Variants in PHLDB3 observed in about 807,000 individuals in gnomAD.
The protein encoded by PHLDB3 is pleckstrin homology-like domain family B member 3.
Under a neutral mutation model 85.7 loss-of-function variants are expected in PHLDB3, and 86 were observed. That is an observed-to-expected ratio of 1.00 (90% CI 0.84 to 1.20). PHLDB3 has a LOEUF of 1.20. PHLDB3 is among the 50% of genes most tolerant of loss of function. PHLDB3 has a pLI of 0.00. For missense variants in PHLDB3, 995 were observed against 873.0 expected (o/e 1.14, Z -1.76); for synonymous variants, 376 against 349.8 (o/e 1.07, Z -0.83).
chr19:43,500,663 G>T (rs1971565135), intron 4 of PHLDB3, among the ~76,000 whole-genome samples: 1 of 152,100 alleles, frequency 6.6e-6, no homozygotes, highest in Non-Finnish European at 1.5e-5. Context: ...TTGAGACAGG[G>T]TCTTGCTCTA....
chr19:43,503,051 C>T (rs772196859), intron 2 of PHLDB3, among the ~76,000 whole-genome samples: 1 of 152,124 alleles, frequency 6.6e-6, no homozygotes, highest in Non-Finnish European at 1.5e-5. Context: ...GTCCCTCTCT[C>T]GAGGTTTTTG....
intron 13 of PHLDB3, among the ~76,000 whole-genome samples, chr19:43,483,111 T>C (rs892058437): frequency 6.6e-6 from 1 of 152,048 alleles, no homozygotes; most frequent in African/African-American, 2.4e-5. Flanking sequence ...GGACAAATGG[T>C]GGTAAAAACA....
chr19:43,488,863 A>C (rs1448233968), intron 9 of PHLDB3, among the ~76,000 whole-genome samples: 1 of 151,650 alleles, frequency 6.6e-6, no homozygotes, highest in African/African-American at 2.4e-5. Flanking sequence ...GCAGTAGCAC[A>C]ATCTCGGCTC....
chr19:43,488,456 CA>C (rs201869304), intron 9 of PHLDB3, among the ~76,000 whole-genome samples: 3 of 151,178 alleles, frequency 2.0e-5, no homozygotes, highest in African/African-American at 7.3e-5. Flanking sequence ...CAGCCTGTCT[CA>C]AAAAAAATAA....
rs775517954 is a variant in PHLDB3, at chr19:43,503,885, T to C, written c.213+21A>G. The C allele has an allele frequency of 7.4e-6, 12 of 1,613,242 alleles. No homozygotes were observed. In the South Asian group the frequency reaches 1.2e-4, roughly 16 times the overall value. ...CCCCGTCGGTCCAAGCCCCCCGCGC[T>C]GTCGCCCTCGGGCCCCTCACCGCGT... On this transcript the variant is annotated intron_variant, in intron 2 of 15. Transcript: ENST00000292140.
At chr19:43,494,625 G>C in intron 9 of PHLDB3, 77 bp downstream of exon 9, 2 of 1,208,732 alleles carry the variant, frequency 1.7e-6, no homozygotes, top group Non-Finnish European at 2.3e-6. Flanking sequence ...ACCCCAGTTC[G>C]GGGACTCTGC....
chr19:43,484,540 G>A (rs754328145), intron 13 of PHLDB3, among the ~76,000 whole-genome samples: 4 of 151,544 alleles, frequency 2.6e-5, no homozygotes, highest in African/African-American at 7.3e-5. Context: ...AAACCCCATC[G>A]CTACTAAAAA....
rs1402370183 is a variant in PHLDB3 at position 43,503,908 on chromosome 19, C to A, written c.211G>T (p.Ala71Ser). Residue 71 changes from alanine to serine, a missense_variant and splice_region_variant, in exon 2 of 16, where the codon GCG (alanine) becomes TCG (serine). Ala to Ser is a moderately conservative substitution (Grantham distance 99). Coordinates refer to ENST00000292140, the MANE Select transcript of PHLDB3 (RefSeq NM_198850.4). The stretch of plus-strand genomic sequence containing the variant: ...GCTGTCGCCCTCGGGCCCCTCACCG[C>A]GTCGCGGCTGCTCTCAGTGCTGCTG... ...EGSSTESSRD[A>S]PEATPPIAMA... 5 of 1,613,698 alleles carry A rather than the reference C, an allele frequency of 3.1e-6. No individual in the cohort carries two copies. The highest frequency in any genetic ancestry group is 4.2e-6 in the Non-Finnish European group (5 of 1,179,782).
chr19:43,478,193 G>A, intron 14 of PHLDB3, 61 bp from the exon 15 acceptor site: 5 of 1,344,646 alleles, frequency 3.7e-6, no homozygotes, highest in South Asian at 2.4e-5. Context: ...TGTGTGTCGA[G>A]GTGAGGGTCA....
Position 43,501,735 on chromosome 19 carries a change from TGTTCCC to T in PHLDB3, c.527_532del (p.Arg176_Glu177del). 6.3e-7 allele frequency: 1 copy of T among 1,583,812 alleles called. No individual in the cohort carries two copies. Among genetic ancestry groups the T allele is most frequent in the African/African-American group, 1.3e-5 (1 of 74,546 alleles). On this transcript the variant is annotated inframe_deletion and splice_region_variant, in exon 4 of 16. Coordinates refer to ENST00000292140, the MANE Select transcript of PHLDB3 (RefSeq NM_198850.4). Reference sequence around the variant, plus strand: ...GAAGACCCGGTGAGCCAAACAGACCTGTTCCCGCTGCTGGCGGCCGCGCTGCTCCGA... The same window carrying T: ...GAAGACCCGGTGAGCCAAACAGACCTGCTGCTGGCGGCCGCGCTGCTCCGA...
In PHLDB3 at chr19:43,504,216, AC is replaced by A. The variant is rs11377522; in HGVS notation, c.-14-85del. 7.5e-4 allele frequency: 896 copies of A among 1,191,236 alleles called. 2 individuals are homozygous for A. The highest frequency in any genetic ancestry group is 9.5e-4 in the East Asian group (35 of 36,864). The allele number at this position is 1,191,236 out of a possible 1,614,324, so 73.8% of individuals were successfully genotyped here. A position where few individuals can be genotyped will look rare whatever the true frequency, so the allele number is the denominator to read the frequency against. ...CTCGCGTCTGCTCCGGGGCGCGGAGACCCCCCCCCAAGGAGGCGGGGCCTAA... is the reference window on the plus strand; with the variant it reads ...CTCGCGTCTGCTCCGGGGCGCGGAGACCCCCCCCAAGGAGGCGGGGCCTAA... On this transcript the variant is annotated intron_variant, in intron 1 of 15. Transcript: ENST00000292140.
In PHLDB3 at chr19:43,478,054, G is replaced by T. The variant is rs757119202; in HGVS notation, c.1781C>A (p.Ala594Asp). The change falls in exon 15 of 16, where the codon GCC (alanine) becomes GAC (aspartate). Residue 594 changes from alanine (A) to aspartate (D), a missense_variant. Ala to Asp is a moderately radical substitution (Grantham distance 126). Coordinates refer to ENST00000292140, the MANE Select transcript of PHLDB3 (RefSeq NM_198850.4). ...GACATTGAGGGGCTTCACCTTGAAG[G>T]CACAGCGTAAGTGGTCATAATAGAC... is the stretch of plus-strand genomic sequence containing the variant. ...EEVYYDHLRC[A>D]FKSPNPRLTF... The T allele has an allele frequency of 4.3e-6, 7 of 1,611,914 alleles. No homozygotes were observed. The highest frequency in any genetic ancestry group is 8.5e-7 in the Non-Finnish European group (1 of 1,178,172).
Position 43,486,678 on chromosome 19 carries a change from T to G in PHLDB3, c.1359A>C (p.Pro453=), listed in dbSNP as rs912612295. Residue 453 remains proline (P), a synonymous_variant, in exon 12 of 16, where the codon CCA becomes CCC. Coordinates refer to ENST00000292140, the MANE Select transcript of PHLDB3 (RefSeq NM_198850.4). ...GGAGCCGCTCCATGTGGGCAATGTC[T>G]GGATGGATGGCCCCACAGCTAGGAG... The part of the protein sequence containing the change: ...GRGNSCGAIH[P]DIAHMERLLQ... 4 of 1,613,832 alleles carry G rather than the reference T, an allele frequency of 2.5e-6. No individual in the cohort carries two copies. The African/African-American group carries it at 5.3e-5, about 22-fold the overall frequency.
At chr19:43,491,944 CGTTTTTTTTTTTTT>C (rs1568479700) in intron 9 of PHLDB3, among the ~76,000 whole-genome samples, 5 of 67,788 alleles carry the variant, frequency 7.4e-5, no homozygotes, top group African/African-American at 1.6e-4. Context: ...TGCACCTGGC[CGTTTTTTTTTTTTT>C]GTTTTTTTTT....
Position 43,487,092 on chromosome 19 carries a change from A to G in PHLDB3, c.1181T>C (p.Leu394Pro), listed in dbSNP as rs1971187034. 1 of 1,570,892 alleles carries G rather than the reference A, an allele frequency of 6.4e-7. No homozygotes were observed. The highest frequency in any genetic ancestry group is 1.4e-5 in the African/African-American group (1 of 73,920). ...GSIGLQRTGSLPRKRGERGSQ... is the reference protein window; with the variant it reads ...GSIGLQRTGSPPRKRGERGSQ... ...CCCCCTCTCCCCCCTTTTCCGGGGC[A>G]GGCTCCCAGTCCTCTGGAGGCCAAT... Residue 394 changes from leucine (L) to proline (P), a missense_variant, in exon 10 of 16, where the codon CTG (leucine) becomes CCG (proline). Transcript: ENST00000292140.
chr19:43,501,396 G>A, intron 4 of PHLDB3: 1 of 300,938 alleles, frequency 3.3e-6, no homozygotes, highest in Non-Finnish European at 6.3e-6. Context: ...TGTTGCCCAG[G>A]CTGGTCTCAA....
At chr19:43,487,925 G>A (rs1265963581) in intron 9 of PHLDB3, among the ~76,000 whole-genome samples, 2 of 151,786 alleles carry the variant, frequency 1.3e-5, no homozygotes, top group East Asian at 1.9e-4. Context: ...AGGCCGAGGC[G>A]GGTGAATAAC....
chr19:43,494,566 C>A, intron 9 of PHLDB3, 136 bp downstream of exon 9: 1 of 675,600 alleles, frequency 1.5e-6, no homozygotes, highest in Non-Finnish European at 2.5e-6. Context: ...GCCAACCTTC[C>A]CTATCCCCCA....
intron 14 of PHLDB3, among the ~76,000 whole-genome samples, chr19:43,479,023 G>A (rs561103365): frequency 2.0e-5 from 3 of 152,198 alleles, no homozygotes; most frequent in Admixed American, 6.5e-5. Context: ...CTGGCCATTG[G>A]GGGGCTGGGG....
Sources: allele counts gnomAD v4.1 joint callset (sites outside exome capture counted in the v4.1 genomes callset), GRCh38; gene constraint gnomAD v4.1.1; transcripts MANE v1.5; gene names NCBI Gene and HGNC (gene_info 2026-07-23, HGNC 2026-07-21).